The following CNTNAP2 variants were observed in gnomAD, a reference collection of about 807,000 sequenced individuals.
CNTNAP2 encodes the protein contactin associated protein 2.
In CNTNAP2, 98 loss-of-function variants were observed where a neutral mutation model predicts 155.2. That is an observed-to-expected ratio of 0.63 (90% CI 0.54 to 0.75). The LOEUF is 0.75. Among genes scored for constraint, CNTNAP2 ranks in the 30% least tolerant of loss-of-function variants. The pLI, the probability that CNTNAP2 is intolerant of heterozygous loss-of-function variation, is 0.00. For synonymous variants in CNTNAP2, 651 were observed against 631.2 expected, an observed-to-expected ratio of 1.03 and a Z score of -0.47; for missense variants, 1,727 against 1,688.1, an observed-to-expected ratio of 1.02 and a Z score of -0.40.
intron 1 of CNTNAP2, among the ~76,000 whole-genome samples, chr7:146,533,239 AC>A (rs1447035438): frequency 6.6e-6 from 1 of 151,906 alleles, no homozygotes; most frequent in Non-Finnish European, 1.5e-5. Flanking sequence ...CATACCCAGG[AC>A]TTTAAAGGTG....
chr7:147,799,023 C>A (rs536796269), intron 13 of CNTNAP2, among the ~76,000 whole-genome samples: 112 of 152,266 alleles, frequency 7.4e-4, no homozygotes, highest in African/African-American at 2.7e-3. Flanking sequence ...CCTACACATG[C>A]AAAAGCAGCC....
intron 3 of CNTNAP2, among the ~76,000 whole-genome samples, chr7:146,997,228 T>C (rs1238269493): frequency 6.6e-6 from 1 of 152,146 alleles, no homozygotes; most frequent in Admixed American, 6.6e-5. Flanking sequence ...ATGGACTTTA[T>C]TATGTTGAGG....
intron 21 of CNTNAP2, among the ~76,000 whole-genome samples, chr7:148,331,697 A>G (rs1798019932): frequency 6.6e-6 from 1 of 152,088 alleles, no homozygotes; most frequent in African/African-American, 2.4e-5. Context: ...GGACGGATGG[A>G]GTGGATGGAT....
At chr7:148,132,982 T>C (rs1244837958) in intron 16 of CNTNAP2, among the ~76,000 whole-genome samples, 3 of 152,206 alleles carry the variant, frequency 2.0e-5, no homozygotes, top group Non-Finnish European at 2.9e-5. Context: ...GTAAAACCAT[T>C]ACACCACAAT....
rs192555203 is a variant in CNTNAP2, at chr7:147,651,551, T to C, written c.2098+12245T>C. On this transcript the variant is annotated intron_variant, in intron 13 of 23. Coordinates refer to ENST00000361727, the MANE Select transcript of CNTNAP2 (RefSeq NM_014141.6). Reference sequence around the variant, plus strand: ...TTTATTCCCTCATTTGTATCACATATGCCTCTCTAGGTCAGCATAGTCAGG... The same window carrying C: ...TTTATTCCCTCATTTGTATCACATACGCCTCTCTAGGTCAGCATAGTCAGG... 1.5e-3 allele frequency among the ~76,000 whole-genome samples: 232 copies of C among 152,360 alleles called. 1 individual carries two copies. The highest frequency in any genetic ancestry group is 0.01 in the Middle Eastern group (3 of 294).
intron 1 of CNTNAP2, among the ~76,000 whole-genome samples, chr7:146,213,429 T>C (rs1799066241): frequency 6.6e-6 from 1 of 152,180 alleles, no homozygotes; most frequent in African/African-American, 2.4e-5. Flanking sequence ...CTTAACTCAG[T>C]GACAGTAGTA....
intron 8 of CNTNAP2, among the ~76,000 whole-genome samples, chr7:147,242,547 C>G (rs1403533835): frequency 6.6e-6 from 1 of 152,136 alleles, no homozygotes; most frequent in African/African-American, 2.4e-5. Context: ...TAGCCTTTCC[C>G]TTTTCAGATT....
intron 18 of CNTNAP2, among the ~76,000 whole-genome samples, chr7:148,192,220 C>G (rs965027695): frequency 6.6e-6 from 1 of 152,196 alleles, no homozygotes; most frequent in African/African-American, 2.4e-5. Context: ...GTCTCCATCA[C>G]TCAAACAAAA....
intron 1 of CNTNAP2, among the ~76,000 whole-genome samples, chr7:146,626,103 A>G (rs1445451645): frequency 1.3e-5 from 2 of 152,156 alleles, no homozygotes; most frequent in African/African-American, 4.8e-5. Flanking sequence ...ATGAAGGATT[A>G]GACTCACATT....
At chr7:147,802,137 G>T (rs1421765960) in intron 13 of CNTNAP2, among the ~76,000 whole-genome samples, 2 of 150,778 alleles carry the variant, frequency 1.3e-5, no homozygotes, top group East Asian at 2.0e-4. Flanking sequence ...CCTCCCAGAC[G>T]GGGTCGCGGC....
chr7:147,971,241 A>G (rs1169401419), intron 14 of CNTNAP2, among the ~76,000 whole-genome samples: 2 of 152,222 alleles, frequency 1.3e-5, no homozygotes, highest in East Asian at 1.9e-4. Context: ...CTTATTGCCA[A>G]TTGGCATTTG....
chr7:147,857,651 T>C (rs916142690), intron 13 of CNTNAP2, among the ~76,000 whole-genome samples: 3 of 152,198 alleles, frequency 2.0e-5, no homozygotes, highest in African/African-American at 7.2e-5. Context: ...TGATGCTGAT[T>C]GAGAACAGGC....
At chr7:147,755,239 C>T (rs937960193) in intron 13 of CNTNAP2, among the ~76,000 whole-genome samples, 1 of 152,172 alleles carries the variant, frequency 6.6e-6, no homozygotes, top group East Asian at 1.9e-4. Flanking sequence ...TCCTGGGCAT[C>T]ACCTCTGTAG....
chr7:147,759,793 C>T (rs1797271751), intron 13 of CNTNAP2, among the ~76,000 whole-genome samples: 1 of 152,276 alleles, frequency 6.6e-6, no homozygotes, highest in Non-Finnish European at 1.5e-5. Context: ...TTGTTTGCTC[C>T]ATAATTATAT....
At chr7:147,227,250 G>C (rs1328854890) in intron 8 of CNTNAP2, among the ~76,000 whole-genome samples, 1 of 152,080 alleles carries the variant, frequency 6.6e-6, no homozygotes, top group Non-Finnish European at 1.5e-5. Flanking sequence ...AAGCCCTTCT[G>C]GTTAGATCAG....
chr7:147,561,536 G>A (rs1008381484), intron 11 of CNTNAP2, among the ~76,000 whole-genome samples: 2 of 152,226 alleles, frequency 1.3e-5, no homozygotes, highest in African/African-American at 2.4e-5. Flanking sequence ...ATGAATGTCA[G>A]CCGTCTACAC....
At chr7:147,669,748 C>G (rs1271619209) in intron 13 of CNTNAP2, among the ~76,000 whole-genome samples, 3 of 152,204 alleles carry the variant, frequency 2.0e-5, no homozygotes, top group African/African-American at 7.2e-5. Flanking sequence ...CCATTGTCCG[C>G]CTCCTGGACT....
At chr7:147,557,195 C>A (rs1406612932) in intron 11 of CNTNAP2, among the ~76,000 whole-genome samples, 1 of 151,692 alleles carries the variant, frequency 6.6e-6, no homozygotes, top group African/African-American at 2.4e-5. Flanking sequence ...ACCCGGGAGG[C>A]AAAGATTGCA....
At chr7:146,924,035 GT>G (rs964701454) in intron 3 of CNTNAP2, among the ~76,000 whole-genome samples, 5 of 151,640 alleles carry the variant, frequency 3.3e-5, no homozygotes, top group South Asian at 2.1e-4. Context: ...TAAAGTATAT[GT>G]TTTTTTTCTT....
Sources: gnomAD v4.1 joint callset for allele counts (sites outside exome capture counted in the v4.1 genomes callset) on GRCh38, gnomAD v4.1.1 for gene constraint, MANE v1.5 for transcripts, NCBI Gene and HGNC (gene_info 2026-07-23, HGNC 2026-07-21) for gene names.